CYP26B1: variants seen among roughly 807,000 people sequenced by gnomAD.
The protein encoded by CYP26B1 is cytochrome P450 26B1.
CYP26B1 carries 8 observed loss-of-function variants against 39.1 expected under a neutral mutation model. The observed-to-expected ratio is 0.20, with a 90% CI of 0.12 to 0.37. The LOEUF (loss-of-function observed/expected upper bound fraction) is 0.37. CYP26B1 is among the 10% of genes least tolerant of loss of function. The probability of loss-of-function intolerance (pLI) is 1.00; values close to 1 mark genes in which losing one functional copy is unlikely to be tolerated. For synonymous variants in CYP26B1, 321 were observed against 314.3 expected (o/e 1.02, Z -0.23); for missense variants, 615 against 707.0 (o/e 0.87, Z 1.48).
intron 1 of CYP26B1, among the ~76,000 whole-genome samples, chr2:72,144,675 A>G (rs1677066848): frequency 1.3e-5 from 2 of 152,198 alleles, no homozygotes; most frequent in South Asian, 4.1e-4. Context: ...GGAGGCAGCA[A>G]CTACAGATGG....
chr2:72,144,494 C>T, intron 1 of CYP26B1: 1 of 1,209,804 alleles, frequency 8.3e-7, no homozygotes, highest in Non-Finnish European at 1.0e-6. Flanking sequence ...GTATCCCGGA[C>T]AGCTGGACCC....
chr2:72,144,476 G>A, intron 1 of CYP26B1: 2 of 1,275,506 alleles, frequency 1.6e-6, no homozygotes, highest in Middle Eastern at 5.7e-4. Flanking sequence ...ACTTTCGAGA[G>A]GAAAGAGGTA....
intron 5 of CYP26B1, 63 bp from the exon 6 acceptor site, chr2:72,132,682 G>C: frequency 6.5e-7 from 1 of 1,543,700 alleles, no homozygotes; most frequent in Non-Finnish European, 8.7e-7. Flanking sequence ...AGAGGGCCCA[G>C]GACTGCCCCC....
At chr2:72,145,003 G>A (rs1209452680) in intron 1 of CYP26B1, among the ~76,000 whole-genome samples, 1 of 152,158 alleles carries the variant, frequency 6.6e-6, no homozygotes, top group East Asian at 1.9e-4. Flanking sequence ...ACCGGAAACC[G>A]TGGAGACCTC....
chr2:72,134,034 G>T (rs184598312), intron 4 of CYP26B1, among the ~76,000 whole-genome samples: 2 of 152,306 alleles, frequency 1.3e-5, no homozygotes, highest in Admixed American at 6.5e-5. Context: ...GTCCATTACT[G>T]GCCATGGCAA....
chr2:72,135,983 C>T (rs1296658788), intron 2 of CYP26B1, among the ~76,000 whole-genome samples: 1 of 152,134 alleles, frequency 6.6e-6, no homozygotes, highest in Non-Finnish European at 1.5e-5. Flanking sequence ...CAAACAGAAG[C>T]CCTGTGACTT....
Position 72,147,587 on chromosome 2 carries a change from C to T in CYP26B1, c.204+44G>A. ...CGCCGCTCCGTCTGCCCCGCGCTCG[C>T]AGCTAGCGGACCCCGGAGTGCAGCG... On this transcript the variant is annotated intron_variant, in intron 1 of 5. Transcript: ENST00000001146. This position sits in a 1 kb window ranked among gnomAD's most constrained non-coding sequence, Gnocchi z 6.1. 6.4e-7 allele frequency: 1 copy of T among 1,566,134 alleles called. No individual in the cohort carries two copies.
chr2:72,133,725 G>C (rs1261466653), intron 4 of CYP26B1, among the ~76,000 whole-genome samples: 1 of 152,194 alleles, frequency 6.6e-6, no homozygotes, highest in East Asian at 1.9e-4. Context: ...TCTAAACCCG[G>C]GCCTTCCCAC....
Position 72,135,151 on chromosome 2 carries a change from T to C in CYP26B1, c.698A>G (p.Tyr233Cys). Reference sequence around the variant, plus strand: ...CAGGCCCTGGGTGCTCACCCGCCGGTAGCCACTGAAGGGCAGGTCGACAGG... The same window carrying C: ...CAGGCCCTGGGTGCTCACCCGCCGGCAGCCACTGAAGGGCAGGTCGACAGG... ...SLPVDLPFSG[Y>C]RRGIQARQIL... is the part of the protein sequence containing the mutation. Residue 233 changes from tyrosine (Y) to cysteine (C), a missense_variant, in exon 3 of 6, where the codon TAC becomes TGC. Coordinates refer to ENST00000001146, the MANE Select transcript of CYP26B1 (RefSeq NM_019885.4). The C allele has an allele frequency of 6.2e-7, 1 of 1,613,710 alleles. No homozygotes were observed. The highest frequency in any genetic ancestry group is 8.5e-7 in the Non-Finnish European group (1 of 1,180,016).
Position 72,147,826 on chromosome 2 carries a change from A to G in CYP26B1, c.9T>C (p.Phe3=). ...GCGCCGACACCAGATCCAAGCCCTCAAAGAGCATGTTGGCGGCCGCTCGGG... is the reference window on the plus strand; with the variant it reads ...GCGCCGACACCAGATCCAAGCCCTCGAAGAGCATGTTGGCGGCCGCTCGGG... ML[F]EGLDLVSALA... Residue 3 remains phenylalanine (F), a synonymous_variant, in exon 1 of 6, where the codon TTT becomes TTC. Transcript: ENST00000001146. This position sits in a 1 kb window ranked among gnomAD's most constrained non-coding sequence, Gnocchi z 6.1. 1 of 1,532,348 alleles carries G rather than the reference A, an allele frequency of 6.5e-7. No individual in the cohort carries two copies. The highest frequency in any genetic ancestry group is 1.8e-4 in the Middle Eastern group (1 of 5,662). 94.9% of individuals were successfully genotyped at this position (1,532,348 alleles called of 1,614,324 possible). A position where few individuals can be genotyped will look rare whatever the true frequency, so the allele number is the denominator to read the frequency against.
At chr2:72,136,116 A>G (rs1676766678) in intron 2 of CYP26B1, among the ~76,000 whole-genome samples, 2 of 152,064 alleles carry the variant, frequency 1.3e-5, no homozygotes, top group Non-Finnish European at 2.9e-5. Context: ...ACTCCCCCGC[A>G]CAGGTTTTCA....
intron 2 of CYP26B1, among the ~76,000 whole-genome samples, chr2:72,136,210 G>C (rs965101865): frequency 3.9e-5 from 6 of 152,204 alleles, no homozygotes; most frequent in African/African-American, 1.4e-4. Flanking sequence ...CATCCCACCA[G>C]AGTTCAGATG....
At chr2:72,132,811 T>A (rs1676632200) in intron 5 of CYP26B1, among the ~76,000 whole-genome samples, 192 bp from the exon 6 acceptor site, 1 of 152,270 alleles carries the variant, frequency 6.6e-6, no homozygotes, top group Non-Finnish European at 1.5e-5. Context: ...TATCTGTAGA[T>A]GTGCACATGT....
rs1676481743 is a variant in CYP26B1 at position 72,129,308 on chromosome 2, CACA to C, written c.*2916_*2918del. The C allele has an allele frequency of 6.6e-6, 1 of 152,490 alleles. No individual in the cohort carries two copies. Among genetic ancestry groups the C allele is most frequent in the Non-Finnish European group, 1.5e-5 (1 of 68,016 alleles). 9.4% of individuals were successfully genotyped at this position (152,490 alleles called of 1,614,324 possible). A position where few individuals can be genotyped will look rare whatever the true frequency, so the allele number is the denominator to read the frequency against. On this transcript the variant is annotated 3_prime_UTR_variant, in exon 6 of 6. Transcript: ENST00000001146. ...TGAGTATTTCCAAAATCACAAAATG[CACA>C]ACATTCATGTTTTTAATATGCAACA...
chr2:72,138,678 G>C (rs1676848756), intron 2 of CYP26B1, among the ~76,000 whole-genome samples: 1 of 152,176 alleles, frequency 6.6e-6, no homozygotes, highest in Non-Finnish European at 1.5e-5. Context: ...GGGAGAGCAA[G>C]GGCACTGTCA....
At chr2:72,146,642 C>A (rs142782027) in intron 1 of CYP26B1, among the ~76,000 whole-genome samples, 3 of 152,326 alleles carry the variant, frequency 2.0e-5, no homozygotes, top group Non-Finnish European at 4.4e-5. Flanking sequence ...CTCTCTAGTG[C>A]GGGGATTGTC....
Position 72,144,100 on chromosome 2 carries a change from G to A in CYP26B1, c.318C>T (p.Leu106=). ...VTGAENVRKI[L]MGEHHLVSTE... is the part of the protein sequence containing the mutation. ...TGCTCACGAGGTGGTGCTCGCCCAT[G>A]AGGATCTTGCGCACGTTCTCCGCGC... Residue 106 remains leucine, a synonymous_variant, in exon 2 of 6, where the codon CTC becomes CTT. Coordinates refer to ENST00000001146, the MANE Select transcript of CYP26B1 (RefSeq NM_019885.4). 1.9e-6 allele frequency: 3 copies of A among 1,612,810 alleles called. No homozygotes were observed. Among genetic ancestry groups the A allele is most frequent in the South Asian group, 1.1e-5 (1 of 91,076 alleles).
At chr2:72,145,708 A>C (rs910227470) in intron 1 of CYP26B1, among the ~76,000 whole-genome samples, 29 of 142,522 alleles carry the variant, frequency 2.0e-4, no homozygotes, top group South Asian at 4.5e-4. Flanking sequence ...CCTCGCCCCC[A>C]CCCCCCGCCT....
intron 2 of CYP26B1, among the ~76,000 whole-genome samples, chr2:72,141,669 G>T (rs368912349): frequency 6.6e-6 from 1 of 152,336 alleles, no homozygotes. Context: ...TGAGTTCACC[G>T]GGCCTTGGGT....
Sources: allele counts gnomAD v4.1 joint callset (sites outside exome capture counted in the v4.1 genomes callset), GRCh38; gene constraint gnomAD v4.1.1; non-coding constraint Gnocchi (gnomAD v3.1); transcripts MANE v1.5; gene names NCBI Gene and HGNC (gene_info 2026-07-23, HGNC 2026-07-21).